The following PTK2 variants were observed in gnomAD, a reference collection of about 807,000 sequenced individuals.
The protein encoded by PTK2 is focal adhesion kinase 1.
PTK2 carries 45 observed loss-of-function variants against 150.1 expected under a neutral mutation model. The ratio of observed to expected loss-of-function variants is 0.30; its 90% CI spans 0.24 to 0.38. PTK2 has a LOEUF of 0.38. Ranked by LOEUF, PTK2 falls within the 10% of genes least tolerant of loss-of-function variation. The pLI, the probability that PTK2 is intolerant of heterozygous loss-of-function variation, is 1.00. For missense variants in PTK2, 919 were observed against 1,307.3 expected (o/e 0.70, Z 4.58); for synonymous variants, 432 against 449.2 (o/e 0.96, Z 0.48).
chr8:140,770,140 T>C (rs1259126617), intron 14 of PTK2, among the ~76,000 whole-genome samples: 1 of 152,246 alleles, frequency 6.6e-6, no homozygotes, highest in Admixed American at 6.5e-5. Flanking sequence ...GAAGCTCTGC[T>C]GACAACGAAG....
chr8:140,999,039 C>T (rs2100198953), intron 1 of PTK2, among the ~76,000 whole-genome samples: 1 of 152,174 alleles, frequency 6.6e-6, no homozygotes, highest in Non-Finnish European at 1.5e-5. Context: ...CATGGAACTT[C>T]ACTCCTAATC....
intron 14 of PTK2, among the ~76,000 whole-genome samples, chr8:140,783,368 G>A (rs78551008): frequency 1.0e-3 from 152 of 152,236 alleles, no homozygotes; most frequent in African/African-American, 3.5e-3. Context: ...CTTCAGCTCC[G>A]AGTGTCTTTA....
At chr8:140,901,438 T>C (rs553646432) in intron 2 of PTK2, among the ~76,000 whole-genome samples, 4 of 152,100 alleles carry the variant, frequency 2.6e-5, no homozygotes, top group Admixed American at 2.0e-4. Context: ...TACATCAAGA[T>C]AAAAAGCCTC....
At chr8:140,990,339 G>A (rs1203458533) in intron 1 of PTK2, among the ~76,000 whole-genome samples, 1 of 151,692 alleles carries the variant, frequency 6.6e-6, no homozygotes, top group Non-Finnish European at 1.5e-5. Context: ...GGCACAAGCA[G>A]TCCTCCCACC....
chr8:140,707,997 T>C (rs1224354924), intron 23 of PTK2, among the ~76,000 whole-genome samples: 7 of 152,176 alleles, frequency 4.6e-5, no homozygotes, highest in Admixed American at 2.6e-4. Flanking sequence ...GGTCTTAAAT[T>C]CTCATTTTGT....
At position 140,818,424 on chromosome 8, in the gene PTK2, G is replaced by A. The variant is rs573821921; in HGVS notation, c.790-70C>T. On this transcript the variant is annotated intron_variant, in intron 9 of 31. Coordinates refer to ENST00000522684, the Ensembl canonical transcript of PTK2. Reference sequence around the variant, plus strand: ...AAAGAAATACTTTAGATAAAGAGCCGTGGATATGTTAAAGGACCAAAGCAG... The same window carrying A: ...AAAGAAATACTTTAGATAAAGAGCCATGGATATGTTAAAGGACCAAAGCAG... 5.2e-5 allele frequency: 71 copies of A among 1,373,550 alleles called. 1 individual carries two copies. In the South Asian group the frequency reaches 5.8e-4, roughly 11 times the overall value. The allele number at this position is 1,373,550 out of a possible 1,614,324, so 85.1% of individuals were successfully genotyped here. A position where few individuals can be genotyped will look rare whatever the true frequency, so the allele number is the denominator to read the frequency against.
chr8:140,670,799 A>G (rs2095238333), intron 29 of PTK2, among the ~76,000 whole-genome samples: 1 of 152,188 alleles, frequency 6.6e-6, no homozygotes, highest in South Asian at 2.1e-4. Context: ...AACTACATCA[A>G]CAGGGCTTCT....
In PTK2 at chr8:140,717,579, G is replaced by A; in HGVS notation, c.2142+19C>T. 6.3e-7 allele frequency: 1 copy of A among 1,577,770 alleles called. No individual in the cohort carries two copies. ...GTTAGTAAGAGTAACCCCAAAGTTG[G>A]GGTGGGGACTGTAGCTACCTTGGGC... On this transcript the variant is annotated intron_variant, in intron 23 of 31. Transcript: ENST00000522684.
chr8:140,667,267 G>A (rs1442684071), intron 30 of PTK2, among the ~76,000 whole-genome samples: 2 of 152,078 alleles, frequency 1.3e-5, no homozygotes, highest in African/African-American at 2.4e-5. Context: ...GGTAGTTTAT[G>A]TTACGTGTAT....
intron 2 of PTK2, among the ~76,000 whole-genome samples, chr8:140,898,911 G>C (rs2100157376): frequency 6.6e-6 from 1 of 152,164 alleles, no homozygotes; most frequent in Non-Finnish European, 1.5e-5. Flanking sequence ...AATGCAAATT[G>C]AGACAGCTAA....
At chr8:140,694,881 G>A (rs757628950) in intron 26 of PTK2, among the ~76,000 whole-genome samples, 19 of 152,170 alleles carry the variant, frequency 1.2e-4, no homozygotes, top group Non-Finnish European at 2.2e-4. Context: ...ACAGTGTCAC[G>A]AGAGCTTCTA....
chr8:140,793,557 A>C (rs558389937), intron 12 of PTK2, among the ~76,000 whole-genome samples, 173 bp from the exon 13 acceptor site: 2 of 152,224 alleles, frequency 1.3e-5, no homozygotes, highest in African/African-American at 4.8e-5. Context: ...TTCAATATTT[A>C]TAACAAACAT....
intron 1 of PTK2, among the ~76,000 whole-genome samples, chr8:140,938,001 A>G (rs1048664498): frequency 3.9e-5 from 6 of 152,226 alleles, no homozygotes; most frequent in African/African-American, 1.4e-4. Context: ...CACTTTTTGT[A>G]TCCTCAAACT....
Position 140,889,629 on chromosome 8 carries a change from T to TA in PTK2, c.195+913dup, listed in dbSNP as rs78252054. On this transcript the variant is annotated intron_variant, in intron 3 of 31. Transcript: ENST00000522684. ...AGCAAATTAATTAATTTACTTATTG[T>TA]AAAAAAAAAAAAGAAAGAAAAGAAA... is the stretch of plus-strand genomic sequence containing the variant. Among the ~76,000 whole-genome samples the TA allele has an allele frequency of 5.8e-3, 802 of 138,374 alleles. 5 individuals carry two copies. The highest frequency in any genetic ancestry group is 0.033 in the Middle Eastern group (9 of 274). The allele number at this position is 138,374 out of a possible 152,430, so 90.8% of individuals were successfully genotyped here.
chr8:140,944,296 C>T (rs374794027), intron 1 of PTK2, among the ~76,000 whole-genome samples: 2 of 152,142 alleles, frequency 1.3e-5, no homozygotes, highest in Admixed American at 6.5e-5. Flanking sequence ...CATTTTAACA[C>T]GACTGATACA....
chr8:140,922,170 G>A (rs2100167708), intron 2 of PTK2, among the ~76,000 whole-genome samples: 3 of 152,162 alleles, frequency 2.0e-5, no homozygotes, highest in Non-Finnish European at 2.9e-5. Context: ...TGTGTCCAGT[G>A]ATGCCCCAGG....
chr8:140,802,472 A>T (rs1479982255), intron 11 of PTK2, among the ~76,000 whole-genome samples: 1 of 152,234 alleles, frequency 6.6e-6, no homozygotes, highest in Non-Finnish European at 1.5e-5. Context: ...TATAAAATAT[A>T]AAAGTTACTG....
intron 7 of PTK2, among the ~76,000 whole-genome samples, chr8:140,842,903 T>G (rs991816954): frequency 2.6e-5 from 4 of 152,134 alleles, no homozygotes; most frequent in African/African-American, 7.2e-5. Context: ...CATTCAACTT[T>G]CCATGCAATC....
At chr8:140,906,910 C>T (rs1425638607) in intron 2 of PTK2, among the ~76,000 whole-genome samples, 1 of 152,054 alleles carries the variant, frequency 6.6e-6, no homozygotes, top group Non-Finnish European at 1.5e-5. Context: ...AAAATAAGTA[C>T]AATATTTACA....
Sources: allele counts gnomAD v4.1 joint callset (sites outside exome capture counted in the v4.1 genomes callset), GRCh38; gene constraint gnomAD v4.1.1; transcripts MANE v1.5; gene names NCBI Gene and HGNC (gene_info 2026-07-23, HGNC 2026-07-21).